Variants in IQCH observed in about 807,000 individuals in gnomAD.
The protein encoded by IQCH is IQ domain-containing protein H.
IQCH carries 98 observed loss-of-function variants against 117.0 expected under a neutral mutation model. That is an observed-to-expected ratio of 0.84 (90% CI 0.71 to 0.99). The LOEUF is 0.99. IQCH is among the 50% of genes least tolerant of loss of function. The pLI, the probability that IQCH is intolerant of heterozygous loss-of-function variation, is 0.00. For missense variants in IQCH, 1,102 were observed against 1,243.8 expected, an observed-to-expected ratio of 0.89 and a Z score of 1.72; for synonymous variants, 412 against 448.2, an observed-to-expected ratio of 0.92 and a Z score of 1.02.
At chr15:67,400,498 T>TTTTTTTTTTC (rs1555481906) in intron 14 of IQCH, among the ~76,000 whole-genome samples, 193 bp downstream of exon 14, 1 of 137,300 alleles carries the variant, frequency 7.3e-6, no homozygotes, top group Admixed American at 7.7e-5. Context: ...TTTCTTTTTT[T>TTTTTTTTTTC]TTTTGAGATG....
At position 67,376,171 on chromosome 15, in the gene IQCH, A is replaced by C. The variant is rs1970730976; in HGVS notation, c.1372+2738A>C. ...ATCTCCTACCTATTCCACAGATAGA[A>C]TTCTCAAACGATGTATATATTTTTA... On this transcript the variant is annotated intron_variant, in intron 10 of 20. Coordinates refer to ENST00000335894, the MANE Select transcript of IQCH (RefSeq NM_001031715.3). This position sits in a 1 kb window ranked among gnomAD's most constrained non-coding sequence, Gnocchi z 5.0. 6.6e-6 allele frequency among the ~76,000 whole-genome samples: 1 copy of C among 152,196 alleles called. No individual in the cohort carries two copies. The highest frequency in any genetic ancestry group is 2.1e-4 in the South Asian group (1 of 4,830).
rs745693010 is a variant in IQCH at position 67,473,695 on chromosome 15, A to C, written c.2677-2001A>C. On this transcript the variant is annotated intron_variant, in intron 17 of 20. Coordinates refer to ENST00000335894, the MANE Select transcript of IQCH (RefSeq NM_001031715.3). The surrounding 1 kb of genome is among the most constrained non-coding windows in gnomAD (Gnocchi z 4.9). ...GCCCAAACTGGAGATTCAGAAACCA[A>C]ACAGCGCCTGCCCTCAGAAAACTCC... 6.6e-6 allele frequency among the ~76,000 whole-genome samples: 1 copy of C among 152,176 alleles called. No individual in the cohort carries two copies. Among genetic ancestry groups the C allele is most frequent in the Non-Finnish European group, 1.5e-5 (1 of 68,030 alleles).
rs751284092 is a variant in IQCH at position 67,384,924 on chromosome 15, T to C, written c.1373-12T>C. The C allele has an allele frequency of 6.3e-7, 1 of 1,575,140 alleles. No homozygotes were observed. Among genetic ancestry groups the C allele is most frequent in the South Asian group, 1.1e-5 (1 of 90,136 alleles). ...GCTCTTTCTGTGTTTTGACACCTTG[T>C]TTGCCTTTTAGGGTATTCCCAGCCT... On this transcript the variant is annotated splice_polypyrimidine_tract_variant and intron_variant, in intron 10 of 20. Transcript: ENST00000335894. The surrounding 1 kb of genome is among the most constrained non-coding windows in gnomAD (Gnocchi z 4.3).
Position 67,427,880 on chromosome 15 carries a change from G to A in IQCH, c.2505+6303G>A, listed in dbSNP as rs1236696582. ...ATCTCCCTGTGTTGCCCAGGCTGGAGTGCAGTGGCATGATCTTGCTTCACT... is the reference window on the plus strand; with the variant it reads ...ATCTCCCTGTGTTGCCCAGGCTGGAATGCAGTGGCATGATCTTGCTTCACT... On this transcript the variant is annotated intron_variant, in intron 16 of 20. Coordinates refer to ENST00000335894, the MANE Select transcript of IQCH (RefSeq NM_001031715.3). This position sits in a 1 kb window ranked among gnomAD's most constrained non-coding sequence, Gnocchi z 4.7. Among the ~76,000 whole-genome samples, 2 of 150,438 alleles carry A rather than the reference G, an allele frequency of 1.3e-5. No individual in the cohort carries two copies. The highest frequency in any genetic ancestry group is 4.9e-5 in the African/African-American group (2 of 40,732).
rs1416097414 is a variant in IQCH at position 67,254,964 on chromosome 15, C to CCCCGG, written c.51+21_51+25dup. ...TTAATCCAGGTGGGAAACGGGCTTC[C>CCCCGG]CCCGGCCCTGCCCTGCCCAGCCGCG... On this transcript the variant is annotated intron_variant, in intron 1 of 20. Coordinates refer to ENST00000335894, the MANE Select transcript of IQCH (RefSeq NM_001031715.3). 3.1e-6 allele frequency: 5 copies of CCCCGG among 1,610,324 alleles called. No individual in the cohort carries two copies. The highest frequency in any genetic ancestry group is 4.2e-6 in the Non-Finnish European group (5 of 1,177,908).
intron 4 of IQCH, among the ~76,000 whole-genome samples, chr15:67,287,369 G>A (rs1344932657): frequency 1.3e-5 from 2 of 152,054 alleles, no homozygotes; most frequent in Non-Finnish European, 2.9e-5. Context: ...TAAATATTTG[G>A]TAGAATTCAA....
rs553553857 is a variant in IQCH at position 67,408,793 on chromosome 15, C to CT, written c.2098-8137dup. 7.2e-5 allele frequency among the ~76,000 whole-genome samples: 11 copies of CT among 152,290 alleles called. No homozygotes were observed. The East Asian group carries it at 2.1e-3, about 29-fold the overall frequency. ...AATTTTCTCAACCAGCGATATTTCT[C>CT]TAACTGGAAAGAAAGACCCTATTAC... On this transcript the variant is annotated intron_variant, in intron 14 of 20. Coordinates refer to ENST00000335894, the MANE Select transcript of IQCH (RefSeq NM_001031715.3). The surrounding 1 kb of genome is among the most constrained non-coding windows in gnomAD (Gnocchi z 4.2).
intron 1 of IQCH, 118 bp downstream of exon 1, chr15:67,255,065 A>C: frequency 1.0e-6 from 1 of 998,902 alleles, no homozygotes; most frequent in Non-Finnish European, 1.6e-6. Context: ...GACTCCCTCC[A>C]ACTCGCGAGA....
chr15:67,318,964 C>T (rs1309787981), intron 4 of IQCH, among the ~76,000 whole-genome samples: 11 of 152,200 alleles, frequency 7.2e-5, no homozygotes, highest in African/African-American at 2.2e-4. Flanking sequence ...TGGAGGCTCA[C>T]GCCTGTAATC....
chr15:67,470,197 G>A (rs2083035290), intron 17 of IQCH, among the ~76,000 whole-genome samples: 1 of 152,218 alleles, frequency 6.6e-6, no homozygotes, highest in African/African-American at 2.4e-5. Flanking sequence ...TTGAGACGGA[G>A]TCTCGCTCTG....
At chr15:67,295,640 C>T (rs2140513941) in intron 4 of IQCH, among the ~76,000 whole-genome samples, 1 of 152,274 alleles carries the variant, frequency 6.6e-6, no homozygotes, top group Admixed American at 6.5e-5. Flanking sequence ...CTCTGGACTT[C>T]AGGTACATGA....
In IQCH at chr15:67,349,365, T is replaced by G. The variant is rs564848550; in HGVS notation, c.637+5174T>G. ...CAGGCACAGTGGCTTATGCCTGTAA[T>G]CCCACCACTTTGGGAGGCCAAGTTG... On this transcript the variant is annotated intron_variant, in intron 6 of 20. Transcript: ENST00000335894. Among the ~76,000 whole-genome samples the G allele has an allele frequency of 2.0e-5, 3 of 152,296 alleles. No individual in the cohort carries two copies. In the East Asian group the frequency reaches 5.8e-4, roughly 29 times the overall value.
Position 67,421,463 on chromosome 15 carries a change from A to T in IQCH, c.2391A>T (p.Gln797His). The T allele has an allele frequency of 6.2e-7, 1 of 1,614,188 alleles. No individual in the cohort carries two copies. The highest frequency in any genetic ancestry group is 8.5e-7 in the Non-Finnish European group (1 of 1,180,020). The change falls in exon 16 of 21, where the codon CAA (glutamine) becomes CAT (histidine). Residue 797 changes from glutamine to histidine, a missense_variant. Around this residue, in one of 2 missense-constraint regions of IQCH, gnomAD observed 650 missense variants for 794.3 expected, o/e 0.82. Coordinates refer to ENST00000335894, the MANE Select transcript of IQCH (RefSeq NM_001031715.3). Reference protein sequence around the residue: ...TTVPQTSVDPQVLTYLCLQIG... With the variant: ...TTVPQTSVDPHVLTYLCLQIG... ...TGCCTCAGACCTCAGTGGATCCCCA[A>T]GTTCTCACTTATTTGTGCCTCCAAA...
intron 10 of IQCH, among the ~76,000 whole-genome samples, chr15:67,379,821 CAAAT>C (rs1970862339): frequency 6.6e-6 from 1 of 152,088 alleles, no homozygotes; most frequent in Admixed American, 6.6e-5. Context: ...AACTGTGAGT[CAAAT>C]AAACCTTTTT....
At chr15:67,288,492 T>G (rs180775465) in intron 4 of IQCH, among the ~76,000 whole-genome samples, 72 of 152,298 alleles carry the variant, frequency 4.7e-4, no homozygotes, top group Admixed American at 4.2e-3. Context: ...AACCCATTTA[T>G]CATTATATAG....
rs1263674550 is a variant in IQCH, at chr15:67,352,955, G to C, written c.638-4390G>C. ...GAGGTCAAGTGTTCAAGACCAGCCT[G>C]ACTAAAATGGTGAAACCCCGTCTTT... On this transcript the variant is annotated intron_variant, in intron 6 of 20. Coordinates refer to ENST00000335894, the MANE Select transcript of IQCH (RefSeq NM_001031715.3). Among the ~76,000 whole-genome samples the C allele has an allele frequency of 2.0e-5, 3 of 152,052 alleles. No homozygotes were observed. In the East Asian group the frequency reaches 5.8e-4, roughly 29 times the overall value.
At position 67,406,906 on chromosome 15, in the gene IQCH, A is replaced by G. The variant is rs969721326; in HGVS notation, c.2097+6601A>G. On this transcript the variant is annotated intron_variant, in intron 14 of 20. Transcript: ENST00000335894. The surrounding 1 kb of genome is among the most constrained non-coding windows in gnomAD (Gnocchi z 4.5). ...ACATAATAAGACTTTAAGAAATGCT[A>G]CCTATTATTATTGTTGTTATTATTA... 2.6e-5 allele frequency: 4 copies of G among 152,256 alleles called. No homozygotes were observed. Among genetic ancestry groups the G allele is most frequent in the Non-Finnish European group, 5.9e-5 (4 of 68,048 alleles). 9.4% of individuals were successfully genotyped at this position (152,256 alleles called of 1,614,324 possible).
chr15:67,256,332 C>A (rs1016192986), intron 1 of IQCH, among the ~76,000 whole-genome samples: 4 of 152,184 alleles, frequency 2.6e-5, no homozygotes, highest in Non-Finnish European at 5.9e-5. Context: ...AGAAGCTTAT[C>A]TGAGGCTTTG....
At chr15:67,259,883 A>G (rs1965388589) in intron 1 of IQCH, among the ~76,000 whole-genome samples, 1 of 152,242 alleles carries the variant, frequency 6.6e-6, no homozygotes. Flanking sequence ...TTCAGATTTC[A>G]ATCTGTGAGC....
Sources: allele counts gnomAD v4.1 joint callset (sites outside exome capture counted in the v4.1 genomes callset), GRCh38; gene constraint gnomAD v4.1.1; regional missense constraint gnomAD v4.1.1; non-coding constraint Gnocchi (gnomAD v3.1); transcripts MANE v1.5; gene names NCBI Gene and HGNC (gene_info 2026-07-23, HGNC 2026-07-21).